Variants in COG2 observed in about 807,000 individuals in gnomAD.
COG2 encodes conserved oligomeric Golgi complex subunit 2.
A neutral mutation model predicts 90.6 loss-of-function variants in COG2; 52 were observed. The ratio of observed to expected loss-of-function variants is 0.57; its 90% CI spans 0.46 to 0.72. The LOEUF is 0.72. Ranked by LOEUF, COG2 falls within the 30% of genes least tolerant of loss-of-function variation. COG2 has a pLI of 0.00. For synonymous variants in COG2, 337 were observed against 320.4 expected (o/e 1.05, Z -0.55); for missense variants, 829 against 891.2 (o/e 0.93, Z 0.89).
At chr1:230,645,208 C>T (rs1286195945) in intron 1 of COG2, among the ~76,000 whole-genome samples, 1 of 137,222 alleles carries the variant, frequency 7.3e-6, no homozygotes, top group Admixed American at 8.1e-5. Context: ...TGCACTTCAG[C>T]CTGGGCAACA....
At chr1:230,672,959 A>C (rs1028494543) in intron 8 of COG2, among the ~76,000 whole-genome samples, 1 of 152,224 alleles carries the variant, frequency 6.6e-6, no homozygotes, top group Admixed American at 6.5e-5. Flanking sequence ...TGTTCTTTGC[A>C]GAAATATGGG....
At chr1:230,676,506 A>AT (rs1662601823) in intron 9 of COG2, among the ~76,000 whole-genome samples, 1 of 152,066 alleles carries the variant, frequency 6.6e-6, no homozygotes, top group South Asian at 2.1e-4. Flanking sequence ...CATAGTATAT[A>AT]TTTTTGTTTC....
rs757502944 is a variant in COG2 at position 230,671,530 on chromosome 1, G to T, written c.789G>T (p.Gln263His). The T allele has an allele frequency of 4.3e-6, 7 of 1,612,580 alleles. No individual in the cohort carries two copies. The highest frequency in any genetic ancestry group is 1.3e-5 in the African/African-American group (1 of 74,842). ...TCTTTTAATAGGTGATTATAGAGCAGTTTGTTGAATCTCATCCCAATGGCC... is the reference window on the plus strand; with the variant it reads ...TCTTTTAATAGGTGATTATAGAGCATTTTGTTGAATCTCATCCCAATGGCC... The part of the protein sequence containing the change: ...KPYIDEVIIE[Q>H]FVESHPNGLQ... The change falls in exon 8 of 18, where the codon CAG becomes CAT. Residue 263 changes from glutamine (Q) to histidine (H), a missense_variant. Physicochemically the swap from Gln to His is conservative, Grantham distance 24. Transcript: ENST00000366669.
intron 2 of COG2, among the ~76,000 whole-genome samples, chr1:230,660,205 A>G (rs992568699): frequency 7.2e-5 from 11 of 152,248 alleles, no homozygotes; most frequent in African/African-American, 2.2e-4. Flanking sequence ...CCAAAGAAGT[A>G]CAGAAAGTAG....
At chr1:230,665,395 A>G (rs1662295989) in intron 5 of COG2, among the ~76,000 whole-genome samples, 1 of 152,214 alleles carries the variant, frequency 6.6e-6, no homozygotes, top group African/African-American at 2.4e-5. Flanking sequence ...ATTGATAGCC[A>G]TCATACTTTT....
chr1:230,670,377 AAAGATT>A (rs1662419962), intron 7 of COG2: 1 of 152,214 alleles, frequency 6.6e-6, no homozygotes, highest in African/African-American at 2.4e-5. Context: ...TAGTAAATAC[AAAGATT>A]ATACTCACAT....
intron 1 of COG2, among the ~76,000 whole-genome samples, chr1:230,650,547 G>A (rs1276040703): frequency 6.6e-6 from 1 of 151,900 alleles, no homozygotes; most frequent in Non-Finnish European, 1.5e-5. Context: ...TTTTTAATGG[G>A]GTTACTTGTT....
intron 2 of COG2, 136 bp downstream of exon 2, chr1:230,659,761 C>G (rs1019505598): frequency 1.3e-6 from 1 of 789,180 alleles, no homozygotes; most frequent in Admixed American, 3.7e-5. Flanking sequence ...TCCCTAATGT[C>G]ATCAATAAAA....
chr1:230,683,914 C>T (rs939444780), intron 11 of COG2, among the ~76,000 whole-genome samples: 4 of 151,920 alleles, frequency 2.6e-5, no homozygotes, highest in Non-Finnish European at 5.9e-5. Flanking sequence ...GGCTTAGCCT[C>T]GAAAGTAGCT....
At chr1:230,681,782 T>C (rs1447200517) in intron 10 of COG2, 1 of 152,212 alleles carries the variant, frequency 6.6e-6, no homozygotes, top group Non-Finnish European at 1.5e-5. Context: ...TGTTGCTTCA[T>C]TCCTGGAAGT....
intron 15 of COG2, among the ~76,000 whole-genome samples, chr1:230,689,361 T>G (rs1167023903): frequency 6.6e-6 from 1 of 152,246 alleles, no homozygotes; most frequent in Non-Finnish European, 1.5e-5. Context: ...TCTTTAGTAA[T>G]CTACCAACTC....
At chr1:230,683,451 G>A (rs544822874) in intron 10 of COG2, 123 bp from the exon 11 acceptor site, 25 of 596,430 alleles carry the variant, frequency 4.2e-5, no homozygotes, top group South Asian at 2.9e-4. Context: ...TAGGCATTCC[G>A]AGGCTGGACT....
At position 230,642,521 on chromosome 1, in the gene COG2, C is replaced by A; in HGVS notation, c.-86C>A. The A allele has an allele frequency of 1.5e-6, 2 of 1,354,618 alleles. No individual in the cohort carries two copies. The highest frequency in any genetic ancestry group is 2.1e-6 in the Non-Finnish European group (2 of 973,450). 83.9% of individuals were successfully genotyped at this position (1,354,618 alleles called of 1,614,324 possible). A position where few individuals can be genotyped will look rare whatever the true frequency, so the allele number is the denominator to read the frequency against. The stretch of plus-strand genomic sequence containing the variant: ...GACCCCCCTGTGCCGTGGAAACTGG[C>A]GGTGGCCGCGGCCGCCGAGTCGGTC... On this transcript the variant is annotated 5_prime_UTR_variant, in exon 1 of 18. Coordinates refer to ENST00000366669, the MANE Select transcript of COG2 (RefSeq NM_007357.3).
chr1:230,642,627 C>G lies in COG2; in HGVS notation c.21C>G (p.Asn7Lys), dbSNP rs765729759. Residue 7 changes from asparagine (N) to lysine (K), a missense_variant, in exon 1 of 18, where the codon AAC becomes AAG. By Grantham distance (94) the Asn-to-Lys change is moderately conservative. Coordinates refer to ENST00000366669, the MANE Select transcript of COG2 (RefSeq NM_007357.3). MEKSRM[N>K]LPKGPDTLCF... Reference sequence around the variant, plus strand: ...GCGGGATGGAGAAAAGTAGGATGAACCTGCCCAAGGGGCCGGACACGCTCT... The same window carrying G: ...GCGGGATGGAGAAAAGTAGGATGAAGCTGCCCAAGGGGCCGGACACGCTCT... The G allele has an allele frequency of 1.9e-6, 3 of 1,613,120 alleles. No individual in the cohort carries two copies. The highest frequency in any genetic ancestry group is 2.5e-6 in the Non-Finnish European group (3 of 1,179,608).
chr1:230,652,253 C>G (rs1175189006), intron 1 of COG2, among the ~76,000 whole-genome samples: 1 of 152,122 alleles, frequency 6.6e-6, no homozygotes, highest in Non-Finnish European at 1.5e-5. Context: ...TCTTTAGTCT[C>G]CATAGTTTTG....
chr1:230,688,312 T>G, intron 14 of COG2, 108 bp from the exon 15 acceptor site: 3 of 1,390,662 alleles, frequency 2.2e-6, no homozygotes, highest in Non-Finnish European at 3.0e-6. Context: ...TTAATTCATT[T>G]GATCTGATTT....
At chr1:230,655,708 G>T (rs1259424949) in intron 1 of COG2, among the ~76,000 whole-genome samples, 1 of 152,212 alleles carries the variant, frequency 6.6e-6, no homozygotes, top group Non-Finnish European at 1.5e-5. Context: ...GTAGAATTCA[G>T]CTGTGAATCC....
chr1:230,654,442 A>T (rs1662000302), intron 1 of COG2, among the ~76,000 whole-genome samples: 1 of 152,120 alleles, frequency 6.6e-6, no homozygotes, highest in Non-Finnish European at 1.5e-5. Flanking sequence ...GTTATTTCTG[A>T]GTCCTCTGTT....
At chr1:230,661,173 T>G (rs917168386) in intron 3 of COG2, among the ~76,000 whole-genome samples, 8 of 152,186 alleles carry the variant, frequency 5.3e-5, no homozygotes, top group African/African-American at 1.9e-4. Context: ...TTTTAAAAAT[T>G]TGTAGTTTTA....
Sources: gnomAD v4.1 joint callset for allele counts (sites outside exome capture counted in the v4.1 genomes callset) on GRCh38, gnomAD v4.1.1 for gene constraint, MANE v1.5 for transcripts, NCBI Gene and HGNC (gene_info 2026-07-23, HGNC 2026-07-21) for gene names.